SPRR2G: variants seen among roughly 807,000 people sequenced by gnomAD.
SPRR2G encodes small proline rich protein 2G.
SPRR2G carries 1 observed loss-of-function variant against 0.7 expected under a neutral mutation model. The ratio of observed to expected loss-of-function variants is 1.49; its 90% confidence interval spans 0.53 to 7.06. The LOEUF (loss-of-function observed/expected upper bound fraction) is 7.06, where lower values mean the gene tolerates loss of function less well. SPRR2G is among the 30% of genes most tolerant of loss of function. The pLI is 0.14. For missense variants in SPRR2G, 96 were observed against 88.5 expected (o/e 1.09, Z -0.34); for synonymous variants, 38 against 33.9 (o/e 1.12, Z -0.42).
chr1:153,193,924 C>T, the SPRR2G span, among the ~76,000 whole-genome samples: 9 of 152,184 alleles, frequency 5.9e-5, no homozygotes, highest in African/African-American at 2.2e-4. Flanking sequence ...GCCCCTTGCA[C>T]ACTTCCTGGC....
At chr1:153,154,222 C>T (rs1656533802), upstream of SPRR2G, among the ~76,000 whole-genome samples, 3 of 151,638 alleles carry the variant, frequency 2.0e-5, no homozygotes, top group African/African-American at 7.3e-5. Context: ...CCCACTTGAT[C>T]ATGTTGCATT....
chr1:153,174,077 A>G, the SPRR2G span, among the ~76,000 whole-genome samples: 1 of 152,186 alleles, frequency 6.6e-6, no homozygotes, highest in African/African-American at 2.4e-5. Context: ...CATTTCTCTT[A>G]TATGTTGACA....
At chr1:153,192,023 G>C in the SPRR2G span, among the ~76,000 whole-genome samples, 1 of 152,190 alleles carries the variant, frequency 6.6e-6, no homozygotes, top group Non-Finnish European at 1.5e-5. Flanking sequence ...AAGACAAAGA[G>C]AATAAGACAC....
the SPRR2G span, among the ~76,000 whole-genome samples, chr1:153,163,957 A>G: frequency 2.6e-5 from 4 of 152,144 alleles, no homozygotes; most frequent in African/African-American, 4.8e-5. Context: ...CATCTAAAAT[A>G]CCCTCATATT....
At chr1:153,160,037 T>A in the SPRR2G span, among the ~76,000 whole-genome samples, 1 of 152,206 alleles carries the variant, frequency 6.6e-6, no homozygotes, top group African/African-American at 2.4e-5. Flanking sequence ...TGAAACTTTA[T>A]ACCCACTGAA....
At chr1:153,197,142 G>GTGTGTC in the SPRR2G span, among the ~76,000 whole-genome samples, 1 of 68,272 alleles carries the variant, frequency 1.5e-5, no homozygotes, top group Admixed American at 1.4e-4. Flanking sequence ...ATGTGTGTGT[G>GTGTGTC]TGTGTGTGTG....
At chr1:153,152,724 G>A (rs1215505004), upstream of SPRR2G, among the ~76,000 whole-genome samples, 2 of 152,158 alleles carry the variant, frequency 1.3e-5, no homozygotes, top group Non-Finnish European at 2.9e-5. Context: ...TCTTTCTCAT[G>A]TTGAAATCCT....
At chr1:153,159,046 GCTGC>G in the SPRR2G span, among the ~76,000 whole-genome samples, 8 of 152,124 alleles carry the variant, frequency 5.3e-5, no homozygotes, top group African/African-American at 1.9e-4. Context: ...GATGGGAGGG[GCTGC>G]CACGAAGATC....
the SPRR2G span, among the ~76,000 whole-genome samples, chr1:153,184,529 T>A: frequency 6.6e-6 from 1 of 152,218 alleles, no homozygotes; most frequent in East Asian, 1.9e-4. Context: ...TGTAAAAGAA[T>A]GCTTGTGATT....
the SPRR2G span, among the ~76,000 whole-genome samples, chr1:153,195,391 T>G: frequency 0.021 from 3,126 of 152,244 alleles, 255 homozygotes; most frequent in Admixed American, 0.14. Flanking sequence ...CATGTTTCGG[T>G]CTTCTTTGGT....
chr1:153,156,962 C>A, the SPRR2G span, among the ~76,000 whole-genome samples: 1 of 152,034 alleles, frequency 6.6e-6, no homozygotes, highest in African/African-American at 2.4e-5. Context: ...CAAGATTGTT[C>A]GGCTTTATTC....
At chr1:153,200,830 G>A in the SPRR2G span, among the ~76,000 whole-genome samples, 1 of 151,890 alleles carries the variant, frequency 6.6e-6, no homozygotes, top group Non-Finnish European at 1.5e-5. Context: ...CTCCCGAGTA[G>A]CTGGGATTTC....
chr1:153,155,757 T>C (rs1656571011), upstream of SPRR2G, among the ~76,000 whole-genome samples: 10 of 152,226 alleles, frequency 6.6e-5, no homozygotes, highest in Admixed American at 5.9e-4. Flanking sequence ...CAGTTTTTTC[T>C]ATCCTCAGTG....
the SPRR2G span, among the ~76,000 whole-genome samples, chr1:153,187,403 C>T: frequency 6.6e-6 from 1 of 152,020 alleles, no homozygotes; most frequent in East Asian, 1.9e-4. Flanking sequence ...TGTTCCTTTT[C>T]ATTCTTTTTT....
the SPRR2G span, among the ~76,000 whole-genome samples, chr1:153,197,215 A>G: frequency 0.085 from 12,890 of 151,040 alleles, 595 homozygotes; most frequent in Middle Eastern, 0.25. Flanking sequence ...AGGGCAAGAT[A>G]AACCCTAGCT....
chr1:153,159,418 A>G, the SPRR2G span, among the ~76,000 whole-genome samples: 1 of 152,166 alleles, frequency 6.6e-6, no homozygotes, highest in Admixed American at 6.5e-5. Context: ...CCATATCTCT[A>G]TCAGCATTTT....
chr1:153,185,075 A>T, the SPRR2G span, among the ~76,000 whole-genome samples: 1 of 152,176 alleles, frequency 6.6e-6, no homozygotes, highest in Non-Finnish European at 1.5e-5. Flanking sequence ...GTGGTGGATA[A>T]GCTTTTTGAT....
the SPRR2G span, among the ~76,000 whole-genome samples, chr1:153,192,428 A>T: frequency 6.6e-6 from 1 of 152,260 alleles, no homozygotes; most frequent in Non-Finnish European, 1.5e-5. Flanking sequence ...ACCACATCAT[A>T]GTCAATTGAA....
the SPRR2G span, among the ~76,000 whole-genome samples, chr1:153,185,339 CTT>C: frequency 0.072 from 9,979 of 137,764 alleles, 1,101 homozygotes; most frequent in African/African-American, 0.24. Context: ...TGGTCCTGGG[CTT>C]TTTTTTTTTT....
Sources: gnomAD v4.1 joint callset for allele counts (sites outside exome capture counted in the v4.1 genomes callset) on GRCh38, gnomAD v4.1.1 for gene constraint, MANE v1.5 for transcripts, NCBI Gene and HGNC (gene_info 2026-07-23, HGNC 2026-07-21) for gene names.